SREK1IP1: variants seen among roughly 807,000 people sequenced by gnomAD.
SREK1IP1 encodes SREK1 interacting protein 1.
SREK1IP1 carries 12 observed loss-of-function variants against 22.8 expected under a neutral mutation model. The ratio of observed to expected loss-of-function variants is 0.53; its 90% CI spans 0.34 to 0.85. SREK1IP1 has a LOEUF of 0.85. Among genes scored for constraint, SREK1IP1 ranks in the 40% least tolerant of loss-of-function variants. The pLI, the probability that SREK1IP1 is intolerant of heterozygous loss-of-function variation, is 0.02. For missense variants in SREK1IP1, 147 were observed against 171.8 expected, an observed-to-expected ratio of 0.86 and a Z score of 0.81; for synonymous variants, 53 against 52.7, an observed-to-expected ratio of 1.01 and a Z score of -0.02.
At chr5:64,767,111 CTTTCA>C (rs1473797574) in intron 1 of SREK1IP1, among the ~76,000 whole-genome samples, 3 of 152,058 alleles carry the variant, frequency 2.0e-5, no homozygotes, top group Non-Finnish European at 2.9e-5. Context: ...TAGAAAACAT[CTTTCA>C]TTTCCTCTTT....
At chr5:64,755,113 G>A (rs1350258463) in intron 1 of SREK1IP1, among the ~76,000 whole-genome samples, 1 of 151,768 alleles carries the variant, frequency 6.6e-6, no homozygotes, top group East Asian at 1.9e-4. Flanking sequence ...CTGTTGGTGG[G>A]AATGTAAATT....
intron 2 of SREK1IP1, among the ~76,000 whole-genome samples, chr5:64,747,872 G>A (rs1462060168): frequency 1.3e-5 from 2 of 152,026 alleles, no homozygotes; most frequent in Non-Finnish European, 2.9e-5. Flanking sequence ...AGGTTAGGTT[G>A]CAGTGAGCCG....
At chr5:64,732,889 C>T (rs979348026) in intron 3 of SREK1IP1, among the ~76,000 whole-genome samples, 1 of 148,982 alleles carries the variant, frequency 6.7e-6, no homozygotes, top group African/African-American at 2.5e-5. Flanking sequence ...GAAACAAGCA[C>T]ACACAAATAG....
At chr5:64,766,769 T>C (rs921119461) in intron 1 of SREK1IP1, among the ~76,000 whole-genome samples, 3 of 152,200 alleles carry the variant, frequency 2.0e-5, no homozygotes, top group Admixed American at 2.0e-4. Flanking sequence ...AATAGGCAAA[T>C]TACTTGATTT....
At chr5:64,760,371 A>G (rs928941774) in intron 1 of SREK1IP1, among the ~76,000 whole-genome samples, 1 of 152,244 alleles carries the variant, frequency 6.6e-6, no homozygotes, top group African/African-American at 2.4e-5. Context: ...AGAACAGACA[A>G]TAACATACAG....
chr5:64,726,211 A>T (rs1339940961), intron 4 of SREK1IP1, among the ~76,000 whole-genome samples: 1 of 152,064 alleles, frequency 6.6e-6, no homozygotes, highest in African/African-American at 2.4e-5. Context: ...GCTGTGGCAT[A>T]GCAACACTTT....
At chr5:64,748,170 C>T (rs7735070) in intron 2 of SREK1IP1, among the ~76,000 whole-genome samples, 4 of 151,814 alleles carry the variant, frequency 2.6e-5, no homozygotes, top group Non-Finnish European at 4.4e-5. Flanking sequence ...GCCATTAAAA[C>T]GAATGATGTT....
intron 1 of SREK1IP1, 29 bp downstream of exon 1, chr5:64,768,476 G>C: frequency 6.2e-7 from 1 of 1,614,120 alleles, no homozygotes; most frequent in South Asian, 1.1e-5. Context: ...TCGGAGCTCG[G>C]ACGCAGAGGC....
chr5:64,755,361 G>A (rs1423885539), intron 1 of SREK1IP1, among the ~76,000 whole-genome samples: 1 of 152,164 alleles, frequency 6.6e-6, no homozygotes, highest in African/African-American at 2.4e-5. Context: ...TATACACTAT[G>A]GAATACTATG....
At chr5:64,745,374 T>C (rs925099333) in intron 2 of SREK1IP1, among the ~76,000 whole-genome samples, 1 of 152,292 alleles carries the variant, frequency 6.6e-6, no homozygotes, top group East Asian at 1.9e-4. Context: ...GTGGATCACT[T>C]GAGTCCAAGA....
intron 1 of SREK1IP1, among the ~76,000 whole-genome samples, chr5:64,765,733 A>G (rs1265100856): frequency 6.6e-6 from 1 of 152,254 alleles, no homozygotes. Flanking sequence ...TAACATATCT[A>G]TAACACTGGT....
At chr5:64,748,572 T>C (rs1580550362) in intron 2 of SREK1IP1, among the ~76,000 whole-genome samples, 1 of 152,308 alleles carries the variant, frequency 6.6e-6, no homozygotes, top group East Asian at 1.9e-4. Context: ...AGAGTTCATA[T>C]CTCAGTTTTC....
chr5:64,738,041 G>C (rs1742494009), intron 3 of SREK1IP1, among the ~76,000 whole-genome samples: 1 of 152,110 alleles, frequency 6.6e-6, no homozygotes, highest in Non-Finnish European at 1.5e-5. Flanking sequence ...CTAAAGAACT[G>C]GAGAGAAGAG....
chr5:64,737,027 C>T (rs1742475320), intron 3 of SREK1IP1, among the ~76,000 whole-genome samples: 1 of 151,710 alleles, frequency 6.6e-6, no homozygotes, highest in African/African-American at 2.4e-5. Flanking sequence ...GAATAATTTC[C>T]TCTTCTACTT....
At chr5:64,752,144 GTGTTT>G (rs1179868481) in intron 2 of SREK1IP1, among the ~76,000 whole-genome samples, 2 of 85,476 alleles carry the variant, frequency 2.3e-5, no homozygotes, top group Non-Finnish European at 4.4e-5. Flanking sequence ...TTTTTTTTGT[GTGTTT>G]TTTTTTTTTT....
At chr5:64,757,328 C>G (rs1742859526) in intron 1 of SREK1IP1, among the ~76,000 whole-genome samples, 1 of 152,160 alleles carries the variant, frequency 6.6e-6, no homozygotes, top group Non-Finnish European at 1.5e-5. Flanking sequence ...CCCAGGAATT[C>G]ACGGTTACAG....
intron 2 of SREK1IP1, among the ~76,000 whole-genome samples, chr5:64,747,623 C>A (rs770708328): frequency 1.3e-5 from 2 of 152,130 alleles, no homozygotes; most frequent in African/African-American, 4.8e-5. Context: ...ATAGCTGTTA[C>A]GAAAACCAGT....
chr5:64,752,170 T>C (rs942569043), intron 2 of SREK1IP1, among the ~76,000 whole-genome samples: 11 of 144,676 alleles, frequency 7.6e-5, no homozygotes, highest in Non-Finnish European at 1.5e-4. Context: ...TTTTTTTTTT[T>C]AGATGGAGTC....
chr5:64,753,497 T>C (rs1742784151), intron 2 of SREK1IP1, among the ~76,000 whole-genome samples: 1 of 152,242 alleles, frequency 6.6e-6, no homozygotes, highest in Admixed American at 6.5e-5. Context: ...GTTTTAGCTT[T>C]GCTTGGAAGT....
Sources: allele counts gnomAD v4.1 joint callset (sites outside exome capture counted in the v4.1 genomes callset), GRCh38; gene constraint gnomAD v4.1.1; transcripts MANE v1.5; gene names NCBI Gene and HGNC (gene_info 2026-07-23, HGNC 2026-07-21).